The following MIPOL1 variants were observed in gnomAD, a reference collection of about 807,000 sequenced individuals.
MIPOL1 encodes mirror-image polydactyly gene 1 protein.
MIPOL1 carries 57 observed loss-of-function variants against 60.9 expected under a neutral mutation model. The observed-to-expected ratio is 0.94, with a 90% CI of 0.76 to 1.17. The LOEUF (loss-of-function observed/expected upper bound fraction) is 1.17, where lower values mean the gene tolerates loss of function less well. Among genes scored for constraint, MIPOL1 ranks in the 50% most tolerant of loss-of-function variants. The probability of loss-of-function intolerance (pLI) is 0.00; values close to 1 mark genes in which losing one functional copy is unlikely to be tolerated. For synonymous variants in MIPOL1, 179 were observed against 168.8 expected, an observed-to-expected ratio of 1.06 and a Z score of -0.47; for missense variants, 551 against 511.6, an observed-to-expected ratio of 1.08 and a Z score of -0.74.
intron 9 of MIPOL1, among the ~76,000 whole-genome samples, chr14:37,359,048 A>G (rs1374618137): frequency 3.3e-5 from 5 of 152,208 alleles, no homozygotes; most frequent in Admixed American, 6.5e-5. Context: ...AGCTTTCTAC[A>G]TATGGCTAGC....
At chr14:37,268,507 T>A (rs907451313) in intron 4 of MIPOL1, 151 bp from the exon 5 acceptor site, 1 of 554,076 alleles carries the variant, frequency 1.8e-6, no homozygotes, top group Non-Finnish European at 3.2e-6. Flanking sequence ...ACAAATTTAA[T>A]ATAAGGCCTT....
At chr14:37,200,852 G>GTA (rs1347465607) in intron 1 of MIPOL1, among the ~76,000 whole-genome samples, 2 of 17,186 alleles carry the variant, frequency 1.2e-4, no homozygotes, top group Admixed American at 5.8e-4. Context: ...ATCTATCTAT[G>GTA]TGTGTGTGTG....
intron 12 of MIPOL1, among the ~76,000 whole-genome samples, chr14:37,536,422 A>G (rs544993382): frequency 6.6e-6 from 1 of 152,326 alleles, no homozygotes; most frequent in East Asian, 1.9e-4. Context: ...TTTCTCCATC[A>G]GATATTCCCG....
intron 6 of MIPOL1, among the ~76,000 whole-genome samples, chr14:37,284,184 T>G (rs932311109): frequency 6.6e-6 from 1 of 152,222 alleles, no homozygotes; most frequent in Non-Finnish European, 1.5e-5. Context: ...TGCCCCCTGC[T>G]CTGTGCAGAT....
chr14:37,427,352 C>T (rs560068582), intron 11 of MIPOL1, among the ~76,000 whole-genome samples: 1 of 152,026 alleles, frequency 6.6e-6, no homozygotes, highest in Non-Finnish European at 1.5e-5. Context: ...ATATGAGGTA[C>T]TTAAAATAGC....
At chr14:37,476,342 A>G (rs2153594462) in intron 11 of MIPOL1, among the ~76,000 whole-genome samples, 1 of 152,142 alleles carries the variant, frequency 6.6e-6, no homozygotes, top group South Asian at 2.1e-4. Flanking sequence ...TTTCAATTTC[A>G]TGGGATTTTC....
At chr14:37,401,044 A>C (rs1036311674) in intron 10 of MIPOL1, 1 of 152,170 alleles carries the variant, frequency 6.6e-6, no homozygotes, top group Non-Finnish European at 1.5e-5. Context: ...GAGTGATAAA[A>C]ATGACCATTG....
chr14:37,477,978 C>T (rs1367452045), intron 11 of MIPOL1, among the ~76,000 whole-genome samples: 1 of 152,158 alleles, frequency 6.6e-6, no homozygotes, highest in South Asian at 2.1e-4. Flanking sequence ...GCAGATGCCC[C>T]ATTGGGAACA....
intron 9 of MIPOL1, among the ~76,000 whole-genome samples, chr14:37,313,743 G>A (rs1050046489): frequency 6.6e-6 from 1 of 152,118 alleles, no homozygotes; most frequent in African/African-American, 2.4e-5. Flanking sequence ...GAATTTCATT[G>A]GCATCGACTG....
chr14:37,235,057 C>T (rs111332819), intron 1 of MIPOL1, among the ~76,000 whole-genome samples: 3,614 of 150,750 alleles, frequency 0.024, 154 homozygotes, highest in African/African-American at 0.083. Context: ...TCCCAAAGTG[C>T]TGGGATTACA....
At chr14:37,328,103 C>A (rs768530517) in intron 9 of MIPOL1, among the ~76,000 whole-genome samples, 18 of 152,062 alleles carry the variant, frequency 1.2e-4, no homozygotes, top group Non-Finnish European at 2.1e-4. Context: ...ACCTCCACCC[C>A]CCAAGTTCAA....
intron 12 of MIPOL1, among the ~76,000 whole-genome samples, chr14:37,513,560 G>A (rs1484217466): frequency 6.6e-6 from 1 of 152,042 alleles, no homozygotes; most frequent in African/African-American, 2.4e-5. Flanking sequence ...TAGGATTGGC[G>A]CCTAACCCAG....
chr14:37,236,468 C>A (rs1406790915), intron 1 of MIPOL1, among the ~76,000 whole-genome samples: 1 of 151,340 alleles, frequency 6.6e-6, no homozygotes, highest in Non-Finnish European at 1.5e-5. Flanking sequence ...ATTTTTGAGA[C>A]CCTTGTCGCC....
At chr14:37,316,029 A>ATTT (rs374928678) in intron 9 of MIPOL1, among the ~76,000 whole-genome samples, 1 of 143,386 alleles carries the variant, frequency 7.0e-6, no homozygotes, top group African/African-American at 2.6e-5. Flanking sequence ...TATTTATTTA[A>ATTT]TTTTTTTTTT....
intron 1 of MIPOL1, 196 bp downstream of exon 1, chr14:37,198,300 G>A (rs1260353345): frequency 6.6e-6 from 1 of 152,452 alleles, no homozygotes; most frequent in Non-Finnish European, 1.5e-5. Flanking sequence ...GGGGTCCTCA[G>A]GTGGCAGACA....
chr14:37,534,632 GAA>G, intron 12 of MIPOL1, among the ~76,000 whole-genome samples: 1 of 152,232 alleles, frequency 6.6e-6, no homozygotes, highest in Non-Finnish European at 1.5e-5. Context: ...GTTTTCTTGG[GAA>G]TGTTACATAT....
intron 10 of MIPOL1, among the ~76,000 whole-genome samples, chr14:37,419,481 A>C (rs145227176): frequency 2.0e-5 from 3 of 152,320 alleles, no homozygotes; most frequent in African/African-American, 7.2e-5. Flanking sequence ...CCTTATATAA[A>C]TTATGACTCA....
At chr14:37,294,753 A>G (rs1259630183) in intron 7 of MIPOL1, among the ~76,000 whole-genome samples, 1 of 152,182 alleles carries the variant, frequency 6.6e-6, no homozygotes. Flanking sequence ...AGAGAAGTTT[A>G]GAGAAAAAAG....
rs1189107444 is a variant in MIPOL1, at chr14:37,548,867, A to G, written c.*1896A>G. ...GATCAAATTAGAAAAACCAATTCCT[A>G]TAATTAATATGCAGAACTTTTATAG... On this transcript the variant is annotated 3_prime_UTR_variant, in exon 13 of 13. Transcript: ENST00000684589. 4 of 152,018 alleles carry G rather than the reference A, an allele frequency of 2.6e-5. No homozygotes were observed. The highest frequency in any genetic ancestry group is 9.6e-5 in the African/African-American group (4 of 41,454). 9.4% of individuals were successfully genotyped at this position (152,018 alleles called of 1,614,324 possible).
Sources: allele counts gnomAD v4.1 joint callset (sites outside exome capture counted in the v4.1 genomes callset), GRCh38; gene constraint gnomAD v4.1.1; transcripts MANE v1.5; gene names NCBI Gene and HGNC (gene_info 2026-07-23, HGNC 2026-07-21).